The following RGS6 variants were observed in gnomAD, a reference collection of about 807,000 sequenced individuals.
RGS6 encodes the protein regulator of G-protein signaling 6.
RGS6 carries 30 observed loss-of-function variants against 78.5 expected under a neutral mutation model. The observed-to-expected ratio is 0.38, with a 90% CI of 0.29 to 0.52. RGS6 has a LOEUF of 0.52. Ranked by LOEUF, RGS6 falls within the 20% of genes least tolerant of loss-of-function variation. RGS6 has a pLI of 0.85. For missense variants in RGS6, 495 were observed against 609.7 expected (o/e 0.81, Z 1.98); for synonymous variants, 206 against 206.0 (o/e 1.00, Z 0.00).
At chr14:72,168,119 G>A (rs2096954392) in intron 2 of RGS6, among the ~76,000 whole-genome samples, 1 of 152,164 alleles carries the variant, frequency 6.6e-6, no homozygotes, top group South Asian at 2.1e-4. Flanking sequence ...TGCTTTCAAG[G>A]TTGGAGCCAG....
chr14:72,346,113 G>A (rs1167263017), intron 2 of RGS6, among the ~76,000 whole-genome samples: 6 of 152,166 alleles, frequency 3.9e-5, no homozygotes, highest in Non-Finnish European at 8.8e-5. Flanking sequence ...AAGTCAAGAT[G>A]AAGTGCTTCA....
intron 2 of RGS6, among the ~76,000 whole-genome samples, chr14:72,200,654 C>A (rs1406262251): frequency 6.6e-6 from 1 of 152,020 alleles, no homozygotes; most frequent in Non-Finnish European, 1.5e-5. Flanking sequence ...CGGCTCATTG[C>A]ACCTCATTCC....
chr14:72,374,836 A>G (rs1173860569), intron 3 of RGS6, among the ~76,000 whole-genome samples: 2 of 152,206 alleles, frequency 1.3e-5, no homozygotes, highest in Non-Finnish European at 2.9e-5. Context: ...TGCTTAACAT[A>G]ATGTTTTTAA....
intron 2 of RGS6, among the ~76,000 whole-genome samples, chr14:72,166,730 CT>C (rs1203068851): frequency 6.6e-6 from 1 of 152,158 alleles, no homozygotes; most frequent in East Asian, 1.9e-4. Context: ...ACAAAACGTA[CT>C]TTTTTATAGA....
chr14:72,377,258 T>C (rs1160270161), intron 3 of RGS6, among the ~76,000 whole-genome samples: 3 of 152,164 alleles, frequency 2.0e-5, no homozygotes, highest in African/African-American at 4.8e-5. Flanking sequence ...GCTGTACTTA[T>C]ATCAGACAAA....
chr14:72,373,879 C>A (rs957440969), intron 3 of RGS6, among the ~76,000 whole-genome samples: 1 of 151,688 alleles, frequency 6.6e-6, no homozygotes, highest in African/African-American at 2.4e-5. Flanking sequence ...TTTTATAATA[C>A]AAATATATAA....
the RGS6 span, among the ~76,000 whole-genome samples, chr14:71,925,073 C>A: frequency 2.0e-5 from 3 of 152,142 alleles, no homozygotes; most frequent in Non-Finnish European, 4.4e-5. Flanking sequence ...CTTGCCAACA[C>A]TTGTTATGTT....
chr14:72,519,558 T>C (rs1234000338), intron 15 of RGS6, among the ~76,000 whole-genome samples: 6 of 152,194 alleles, frequency 3.9e-5, no homozygotes, highest in Non-Finnish European at 5.9e-5. Flanking sequence ...TGCTCAGAAC[T>C]TCAAGATGGA....
intron 13 of RGS6, among the ~76,000 whole-genome samples, chr14:72,504,516 G>A (rs978830385): frequency 1.3e-5 from 2 of 152,154 alleles, no homozygotes; most frequent in African/African-American, 4.8e-5. Flanking sequence ...AGTTTCTGGT[G>A]ATATATGTCT....
rs754511487 is a variant in RGS6 at position 72,096,115 on chromosome 14, CA to C, written c.84+131248del. Among the ~76,000 whole-genome samples, 5 of 151,548 alleles carry C rather than the reference CA, an allele frequency of 3.3e-5. No individual in the cohort carries two copies. The South Asian group carries it at 6.3e-4, about 19-fold the overall frequency. On this transcript the variant is annotated intron_variant, in intron 2 of 17. Transcript: ENST00000553525. ...GAAACCCCATCTCTACTAAAAAATACAAAAAAAATTAGCTGAGTGCGGTGGC... is the reference window on the plus strand; with the variant it reads ...GAAACCCCATCTCTACTAAAAAATACAAAAAAATTAGCTGAGTGCGGTGGC...
intron 2 of RGS6, among the ~76,000 whole-genome samples, chr14:72,175,087 C>T (rs945924827): frequency 6.6e-6 from 1 of 152,122 alleles, no homozygotes; most frequent in Non-Finnish European, 1.5e-5. Flanking sequence ...CATGCAATGG[C>T]CAGTTATCTT....
rs770456663 is a variant in RGS6, at chr14:72,562,494, G to A, written c.*27G>A. 6.2e-6 allele frequency: 10 copies of A among 1,610,488 alleles called. No individual in the cohort carries two copies. In the Admixed American group the frequency reaches 1.3e-4, roughly 21 times the overall value. The stretch of plus-strand genomic sequence containing the variant: ...CGTTCCTACCGCAGGTCCAGGGCCT[G>A]GGCCCGCGGACCCCACAGGCAGGCG... On this transcript the variant is annotated 3_prime_UTR_variant, in exon 18 of 18. Coordinates refer to ENST00000553525, the MANE Select transcript of RGS6 (RefSeq NM_001204424.2).
At chr14:72,147,445 C>T (rs1007238138) in intron 2 of RGS6, among the ~76,000 whole-genome samples, 1 of 152,192 alleles carries the variant, frequency 6.6e-6, no homozygotes, top group Non-Finnish European at 1.5e-5. Flanking sequence ...GGCAAGAGAA[C>T]ATGTGCACAA....
chr14:72,130,821 T>A lies in RGS6; in HGVS notation c.84+165946T>A, dbSNP rs145363073. 2.8e-3 allele frequency among the ~76,000 whole-genome samples: 434 copies of A among 152,330 alleles called. 5 individuals are homozygous for A. The highest frequency in any genetic ancestry group is 0.01 in the African/African-American group (418 of 41,558). On this transcript the variant is annotated intron_variant, in intron 2 of 17. Coordinates refer to ENST00000553525, the MANE Select transcript of RGS6 (RefSeq NM_001204424.2). ...GCAGGTTTCTGGAAAGCTAATGCTA[T>A]GTCTTACGTATACATAAACGGATGA... is the stretch of plus-strand genomic sequence containing the variant.
chr14:72,487,000 C>T (rs980809357), intron 12 of RGS6, among the ~76,000 whole-genome samples: 4 of 152,146 alleles, frequency 2.6e-5, no homozygotes, highest in African/African-American at 9.7e-5. Flanking sequence ...CTCTGCTACT[C>T]TCTCTGGGAA....
chr14:72,160,150 A>AT (rs2096832516), intron 2 of RGS6, among the ~76,000 whole-genome samples: 1 of 152,208 alleles, frequency 6.6e-6, no homozygotes, highest in African/African-American at 2.4e-5. Flanking sequence ...CAAATCATAA[A>AT]TGTAGATATA....
downstream of RGS6, among the ~76,000 whole-genome samples, chr14:72,567,913 C>T (rs1467120544): frequency 1.3e-5 from 2 of 152,246 alleles, no homozygotes; most frequent in Non-Finnish European, 2.9e-5. Flanking sequence ...TGTACACAGC[C>T]CTTCAGCGCC....
intron 2 of RGS6, among the ~76,000 whole-genome samples, chr14:72,241,940 C>G (rs576972354): frequency 6.6e-6 from 1 of 152,294 alleles, no homozygotes; most frequent in Non-Finnish European, 1.5e-5. Flanking sequence ...AACTTGCTAA[C>G]TTTATAATTT....
chr14:72,477,640 GAA>G (rs1020275753), intron 11 of RGS6, among the ~76,000 whole-genome samples: 35 of 151,608 alleles, frequency 2.3e-4, no homozygotes, highest in African/African-American at 8.0e-4. Context: ...ACTAAAAATA[GAA>G]AAAAGTTAGC....
Sources: allele counts gnomAD v4.1 joint callset (sites outside exome capture counted in the v4.1 genomes callset), GRCh38; gene constraint gnomAD v4.1.1; transcripts MANE v1.5; gene names NCBI Gene and HGNC (gene_info 2026-07-23, HGNC 2026-07-21).